Variants in MALRD1 observed in about 807,000 individuals in gnomAD.
The protein encoded by MALRD1 is MAM and LDL-receptor class A domain-containing protein 1.
A neutral mutation model predicts 242.1 loss-of-function variants in MALRD1; 247 were observed. The observed-to-expected ratio is 1.02, with a 90% CI of 0.92 to 1.13. The LOEUF (loss-of-function observed/expected upper bound fraction) is 1.13, where lower values mean the gene tolerates loss of function less well. Ranked by LOEUF, MALRD1 falls within the 50% of genes most tolerant of loss-of-function variation. MALRD1 has a pLI of 0.00. For synonymous variants in MALRD1, 995 were observed against 866.6 expected (o/e 1.15, Z -2.60); for missense variants, 2,989 against 2,533.1 (o/e 1.18, Z -3.86).
At chr10:19,314,104 G>C (rs1463207228) in intron 21 of MALRD1, among the ~76,000 whole-genome samples, 1 of 151,530 alleles carries the variant, frequency 6.6e-6, no homozygotes, top group Non-Finnish European at 1.5e-5. Context: ...TATTTGCTGA[G>C]TGCCACTTGA....
intron 8 of MALRD1, among the ~76,000 whole-genome samples, chr10:19,130,972 G>C (rs772535528): frequency 1.1e-4 from 16 of 152,238 alleles, no homozygotes; most frequent in Admixed American, 3.3e-4. Context: ...AAATGATCTA[G>C]TGTATTAACC....
In MALRD1 at chr10:19,665,463, G is replaced by A. The variant is rs115411323; in HGVS notation, c.6138-26819G>A. 2.8e-3 allele frequency among the ~76,000 whole-genome samples: 429 copies of A among 152,130 alleles called. 1 individual carries two copies. Among genetic ancestry groups the A allele is most frequent in the African/African-American group, 9.9e-3 (411 of 41,498 alleles). ...TAGGACCTTCCTAAGGGGAATTTAT[G>A]TTCTGTTTTCAGGCAGATAAAGGGA... is the stretch of plus-strand genomic sequence containing the variant. On this transcript the variant is annotated intron_variant, in intron 36 of 39. Transcript: ENST00000454679.
intron 28 of MALRD1, among the ~76,000 whole-genome samples, chr10:19,436,629 C>G (rs2130965643): frequency 6.6e-6 from 1 of 152,254 alleles, no homozygotes; most frequent in South Asian, 2.1e-4. Flanking sequence ...TTTACAGACT[C>G]CATCTCATTT....
At chr10:19,423,842 C>T (rs186432718) in intron 28 of MALRD1, among the ~76,000 whole-genome samples, 189 of 152,232 alleles carry the variant, frequency 1.2e-3, no homozygotes, top group Non-Finnish European at 1.7e-3. Context: ...TTTCAATCTG[C>T]ATACGGGCGG....
chr10:19,184,944 A>C (rs1161002289), intron 14 of MALRD1, among the ~76,000 whole-genome samples: 2 of 152,228 alleles, frequency 1.3e-5, no homozygotes, highest in East Asian at 3.8e-4. Flanking sequence ...AAACTGTGGC[A>C]GTGTCCCTGT....
intron 14 of MALRD1, among the ~76,000 whole-genome samples, chr10:19,194,811 TC>T (rs1836160659): frequency 6.6e-6 from 1 of 152,164 alleles, no homozygotes; most frequent in African/African-American, 2.4e-5. Flanking sequence ...TCAGGCTTTT[TC>T]CCCTGTAATC....
At chr10:19,703,704 G>T (rs1303116739) in intron 38 of MALRD1, among the ~76,000 whole-genome samples, 5 of 152,132 alleles carry the variant, frequency 3.3e-5, no homozygotes, top group Non-Finnish European at 7.4e-5. Context: ...AAACCAGCCT[G>T]GCCAACATGG....
chr10:19,643,184 C>G (rs56862137), intron 36 of MALRD1, among the ~76,000 whole-genome samples: 319 of 152,180 alleles, frequency 2.1e-3, no homozygotes, highest in African/African-American at 7.4e-3. Flanking sequence ...GTAATCCCAG[C>G]ACTTTGGGAG....
At chr10:19,426,757 C>T (rs762070008) in intron 28 of MALRD1, among the ~76,000 whole-genome samples, 1 of 152,204 alleles carries the variant, frequency 6.6e-6, no homozygotes, top group East Asian at 1.9e-4. Context: ...GAGCCGAGAT[C>T]GTGCCACTGC....
intron 2 of MALRD1, among the ~76,000 whole-genome samples, chr10:19,071,774 C>G (rs1835155636): frequency 6.6e-6 from 1 of 152,196 alleles, no homozygotes. Flanking sequence ...CTGTGAAAGA[C>G]CAAACATGGA....
chr10:19,329,349 T>C (rs1033366780), intron 23 of MALRD1, among the ~76,000 whole-genome samples: 3 of 152,040 alleles, frequency 2.0e-5, no homozygotes, highest in African/African-American at 4.8e-5. Context: ...GGGAAACATA[T>C]AAAATATTTT....
chr10:19,498,417 C>T (rs1397840130), intron 30 of MALRD1, 68 bp from the exon 31 acceptor site: 9 of 1,366,760 alleles, frequency 6.6e-6, no homozygotes, highest in Non-Finnish European at 8.9e-6. Flanking sequence ...TAAATGATCC[C>T]AAATATAGGG....
chr10:19,065,543 G>C (rs144640455), intron 1 of MALRD1, among the ~76,000 whole-genome samples: 1 of 152,232 alleles, frequency 6.6e-6, no homozygotes, highest in East Asian at 1.9e-4. Context: ...TTGGTCAGCA[G>C]AGTTGTGACC....
intron 36 of MALRD1, among the ~76,000 whole-genome samples, chr10:19,642,187 G>T (rs1181389195): frequency 6.6e-6 from 1 of 152,146 alleles, no homozygotes. Flanking sequence ...GGCTTGAATT[G>T]TAGAAACCAG....
chr10:19,379,829 T>G (rs78751469), intron 26 of MALRD1, among the ~76,000 whole-genome samples: 1 of 152,306 alleles, frequency 6.6e-6, no homozygotes, highest in East Asian at 1.9e-4. Context: ...TTCCATACAT[T>G]TACTTTCTGT....
chr10:19,061,335 G>A (rs1335837607), intron 1 of MALRD1, among the ~76,000 whole-genome samples: 1 of 152,130 alleles, frequency 6.6e-6, no homozygotes, highest in Non-Finnish European at 1.5e-5. Context: ...ATTTAATATT[G>A]CTAACATTTC....
intron 2 of MALRD1, among the ~76,000 whole-genome samples, chr10:19,068,686 G>A (rs1835052933): frequency 1.3e-5 from 2 of 152,132 alleles, no homozygotes; most frequent in African/African-American, 4.8e-5. Context: ...TGTTCTGGCT[G>A]TAGATATTAG....
rs1158183108 is a variant in MALRD1, at chr10:19,504,130, G to A, written c.5320+5484G>A. 2.0e-5 allele frequency among the ~76,000 whole-genome samples: 3 copies of A among 152,188 alleles called. No individual in the cohort carries two copies. In the East Asian group the frequency reaches 5.8e-4, roughly 29 times the overall value. ...ATATTTGGTTGATAGTGTCCTGCAGGTTATGCAGATGATAACTGTACTTCC... is the reference window on the plus strand; with the variant it reads ...ATATTTGGTTGATAGTGTCCTGCAGATTATGCAGATGATAACTGTACTTCC... On this transcript the variant is annotated intron_variant, in intron 31 of 39. Coordinates refer to ENST00000454679, the MANE Select transcript of MALRD1 (RefSeq NM_001142308.3).
chr10:19,087,186 C>T (rs1338462896), intron 2 of MALRD1, among the ~76,000 whole-genome samples: 1 of 152,012 alleles, frequency 6.6e-6, no homozygotes, highest in Non-Finnish European at 1.5e-5. Context: ...GATGGTGCTC[C>T]TGCTCTGTCA....
Sources: allele counts gnomAD v4.1 joint callset (sites outside exome capture counted in the v4.1 genomes callset), GRCh38; gene constraint gnomAD v4.1.1; transcripts MANE v1.5; gene names NCBI Gene and HGNC (gene_info 2026-07-23, HGNC 2026-07-21).